The following ZNF512B variants were observed in gnomAD, a reference collection of about 807,000 sequenced individuals.
ZNF512B encodes zinc finger protein 512B.
A neutral mutation model predicts 87.8 loss-of-function variants in ZNF512B; 22 were observed. The observed-to-expected ratio is 0.25, with a 90% CI of 0.18 to 0.36. The LOEUF (loss-of-function observed/expected upper bound fraction) is 0.36, where lower values mean the gene tolerates loss of function less well. ZNF512B is among the 10% of genes least tolerant of loss of function. The probability of loss-of-function intolerance (pLI) is 1.00; values close to 1 mark genes in which losing one functional copy is unlikely to be tolerated. For synonymous variants in ZNF512B, 524 were observed against 490.9 expected (o/e 1.07, Z -0.89); for missense variants, 1,060 against 1,231.6 (o/e 0.86, Z 2.09).
In ZNF512B at chr20:63,962,637, C is replaced by T. The variant is rs370687431; in HGVS notation, c.2113G>A (p.Asp705Asn). 127 of 1,607,076 alleles carry T rather than the reference C, an allele frequency of 7.9e-5. No homozygotes were observed. The highest frequency in any genetic ancestry group is 1.0e-4 in the Non-Finnish European group (122 of 1,178,510). The change falls in exon 13 of 17, where the codon GAC becomes AAC. Residue 705 changes from aspartate (D) to asparagine (N), a missense_variant. Around this residue, in one of 9 missense-constraint regions of ZNF512B, gnomAD observed 253 missense variants for 259.2 expected, o/e 0.98. Coordinates refer to ENST00000369888, the MANE Select transcript of ZNF512B (RefSeq NM_020713.3). ...TCCTTCATGCGCCGCTTGGTCCAGT[C>T]GCGGGCCAGCTCGTCCTCCGCTATC... ...QEIAEDELAR[D>N]WTKRRMKDDL...
At position 63,966,579 on chromosome 20, in the gene ZNF512B, G is replaced by T. The variant is rs931946502; in HGVS notation, c.596C>A (p.Thr199Asn). 6.2e-7 allele frequency: 1 copy of T among 1,613,840 alleles called. No homozygotes were observed. The highest frequency in any genetic ancestry group is 1.1e-5 in the South Asian group (1 of 91,090). Residue 199 changes from threonine to asparagine, a missense_variant, in exon 5 of 17, where the codon ACT becomes AAT. Physicochemically the swap from Thr to Asn is moderately conservative, Grantham distance 65. Transcript: ENST00000369888. The part of the protein sequence containing the change: ...SKPIGVSKPV[T>N]IGKPVGVSKP... ...GCTGACACCCACAGGTTTGCCAATA[G>T]TGACAGGTTTGCTCACTCCGATGGG...
chr20:63,963,417 T>C lies in ZNF512B; in HGVS notation c.1722A>G (p.Glu574=), dbSNP rs2146888688. The part of the protein sequence containing the change: ...SAKPSDAEAS[E]GGEQEERERL... ...TCTCGCGCTCCTCCTGCTCGCCCCC[T>C]TCGGAGGCCTCGGCGTCAGAGGGCT... Residue 574 remains glutamate (E), a synonymous_variant, in exon 11 of 17, where the codon GAA becomes GAG. Transcript: ENST00000369888. 1 of 1,548,862 alleles carries C rather than the reference T, an allele frequency of 6.5e-7. No homozygotes were observed. Among genetic ancestry groups the C allele is most frequent in the Non-Finnish European group, 8.7e-7 (1 of 1,151,840 alleles).
chr20:63,962,866 G>A (rs916077312), intron 12 of ZNF512B, 85 bp from the exon 13 acceptor site: 37 of 1,392,316 alleles, frequency 2.7e-5, no homozygotes, highest in Non-Finnish European at 3.2e-5. Flanking sequence ...CCTAAGGCCG[G>A]TGGACCCACA....
chr20:63,961,870 G>C lies in ZNF512B; in HGVS notation c.2328+72C>G. ...GGCAGGGTCCCTCACTACTGTGTGG[G>C]AAGCCCGCGTGGGGTGAGCTGGGAG... On this transcript the variant is annotated intron_variant, in intron 15 of 16. Transcript: ENST00000369888. The surrounding 1 kb of genome is among the most constrained non-coding windows in gnomAD (Gnocchi z 6.4). 6.7e-7 allele frequency: 1 copy of C among 1,488,702 alleles called. No homozygotes were observed. The highest frequency in any genetic ancestry group is 1.4e-5 in the African/African-American group (1 of 71,848). 92.2% of individuals were successfully genotyped at this position (1,488,702 alleles called of 1,614,324 possible). A position where few individuals can be genotyped will look rare whatever the true frequency, so the allele number is the denominator to read the frequency against.
rs111611348 is a variant in ZNF512B, at chr20:63,963,329, G to A, written c.1797+13C>T. ...GGCCCCCCCACCCCACACTGCCGCG[G>A]CCCCCCACTGACCTCCTGGGGGCAG... is the stretch of plus-strand genomic sequence containing the variant. On this transcript the variant is annotated intron_variant, in intron 11 of 16. Coordinates refer to ENST00000369888, the MANE Select transcript of ZNF512B (RefSeq NM_020713.3). 83 of 1,538,778 alleles carry A rather than the reference G, an allele frequency of 5.4e-5. No homozygotes were observed. The African/African-American group carries it at 8.5e-4, about 16-fold the overall frequency.
chr20:63,969,284 A>G (rs1280509384), intron 1 of ZNF512B: 1 of 696,730 alleles, frequency 1.4e-6, no homozygotes, highest in African/African-American at 1.9e-5. Flanking sequence ...GGCCAGGGCC[A>G]GCCTGGGAGG....
chr20:63,963,560 G>A lies in ZNF512B; in HGVS notation c.1698+58C>T, dbSNP rs1327248519. 12 of 1,603,050 alleles carry A rather than the reference G, an allele frequency of 7.5e-6. No homozygotes were observed. The East Asian group carries it at 8.9e-5, about 12-fold the overall frequency. On this transcript the variant is annotated intron_variant, in intron 10 of 16. Coordinates refer to ENST00000369888, the MANE Select transcript of ZNF512B (RefSeq NM_020713.3). ...GGTTAGAAACCGGGGGCACTGCGGT[G>A]AAGGTGGGGTGCGAGGTCAGAGGTC...
chr20:63,963,340 ACCT>A lies in ZNF512B; in HGVS notation c.1796_1797+1del, dbSNP rs2058877416. The A allele has an allele frequency of 8.4e-6, 13 of 1,539,724 alleles. No individual in the cohort carries two copies. The highest frequency in any genetic ancestry group is 1.4e-5 in the African/African-American group (1 of 73,080). On this transcript the variant is annotated splice_donor_variant and coding_sequence_variant, in exon 11 of 17. Transcript: ENST00000369888. LOFTEE classifies it high-confidence loss of function. The stretch of plus-strand genomic sequence containing the variant: ...CCCACACTGCCGCGGCCCCCCACTG[ACCT>A]CCTGGGGGCAGCGCAGCCGTCCCAT...
At chr20:63,967,647 A>G (rs1397685837) in intron 2 of ZNF512B, 124 bp from the exon 3 acceptor site, 1 of 1,482,296 alleles carries the variant, frequency 6.7e-7, no homozygotes, top group Non-Finnish European at 9.0e-7. Context: ...GGCTGCGGCC[A>G]GCTGAGGACA....
At position 63,957,994 on chromosome 20, in the gene ZNF512B, C is replaced by G. The variant is rs1462154884; in HGVS notation, c.*1894G>C. The G allele has an allele frequency of 6.6e-6, 1 of 152,326 alleles. No individual in the cohort carries two copies. The highest frequency in any genetic ancestry group is 1.5e-5 in the Non-Finnish European group (1 of 68,110). 9.4% of individuals were successfully genotyped at this position (152,326 alleles called of 1,614,324 possible). On this transcript the variant is annotated 3_prime_UTR_variant, in exon 17 of 17. Transcript: ENST00000369888. ...CGCCCATCTCTGCCCCAGCCTCCAT[C>G]CTCTCATCAGGCCGAGGTGTGCGTG...
chr20:63,962,885 A>G (rs2058870935), intron 12 of ZNF512B, 104 bp from the exon 13 acceptor site: 2 of 1,317,462 alleles, frequency 1.5e-6, no homozygotes, highest in South Asian at 1.5e-5. Context: ...CAGGCCTCCC[A>G]GTGTGCTGGG....
At chr20:63,962,867 T>C in intron 12 of ZNF512B, 86 bp from the exon 13 acceptor site, 1 of 1,387,322 alleles carries the variant, frequency 7.2e-7, no homozygotes, top group Non-Finnish European at 9.6e-7. Context: ...CTAAGGCCGG[T>C]GGACCCACAG....
rs535652996 is a variant in ZNF512B, at chr20:63,967,047, G to A, written c.265-43C>T. ...TGGTGCTGCTGACCCGCAGCCACCT[G>A]GGCCACTGCCAGCCCGAGCCCCAGA... On this transcript the variant is annotated intron_variant, in intron 3 of 16. Transcript: ENST00000369888. The A allele has an allele frequency of 2.7e-5, 44 of 1,609,894 alleles. No individual in the cohort carries two copies. The East Asian group carries it at 9.6e-4, about 35-fold the overall frequency.
rs2058892122 is a variant in ZNF512B at position 63,964,100 on chromosome 20, G to T, written c.1451C>A (p.Ala484Glu). The T allele has an allele frequency of 6.2e-7, 1 of 1,610,146 alleles. No homozygotes were observed. The highest frequency in any genetic ancestry group is 2.2e-5 in the East Asian group (1 of 44,876). Residue 484 changes from alanine to glutamate, a missense_variant, in exon 8 of 17, where the codon GCA (alanine) becomes GAA (glutamate). This residue lies in a region of ZNF512B where 212 missense variants were observed against 207.6 expected (regional missense o/e 1.02). Coordinates refer to ENST00000369888, the MANE Select transcript of ZNF512B (RefSeq NM_020713.3). ...AGCTGGGTGGGCCACAGGGGCCGGT[G>T]CCTCCTTGCTGACAGTGATGGGGGC... is the stretch of plus-strand genomic sequence containing the variant. ...PAAPITVSKE[A>E]PAPVAHPAPG...
In ZNF512B at chr20:63,959,917, C is replaced by T. The variant is rs1379005495; in HGVS notation, c.2650G>A (p.Val884Met). Residue 884 changes from valine (V) to methionine (M), a missense_variant, in exon 17 of 17, where the codon GTG becomes ATG. Coordinates refer to ENST00000369888, the MANE Select transcript of ZNF512B (RefSeq NM_020713.3). ...TTTTCAGGCGCCTTGCTGACTCCCACCTTCCGGCCGGTGGAGCCCCGGGCC... is the reference window on the plus strand; with the variant it reads ...TTTTCAGGCGCCTTGCTGACTCCCATCTTCCGGCCGGTGGAGCCCCGGGCC... ...KGARGSTGRK[V>M]GVSKAPEK 4.4e-6 allele frequency: 7 copies of T among 1,601,866 alleles called. No individual in the cohort carries two copies. The highest frequency in any genetic ancestry group is 1.7e-4 in the Middle Eastern group (1 of 6,048).
chr20:63,960,714 C>G (rs2058841676), intron 16 of ZNF512B, among the ~76,000 whole-genome samples: 1 of 133,162 alleles, frequency 7.5e-6, no homozygotes, highest in East Asian at 2.4e-4. Flanking sequence ...CAGGCAAGCA[C>G]CTGCAGGGGG....
chr20:63,965,881 C>A, intron 5 of ZNF512B, among the ~76,000 whole-genome samples: 2 of 31,374 alleles, frequency 6.4e-5, no homozygotes, highest in African/African-American at 1.7e-4. Flanking sequence ...TACCTTTTCT[C>A]ACCACTGTTC....
intron 10 of ZNF512B, 72 bp from the exon 11 acceptor site, chr20:63,963,512 G>A (rs967688633): frequency 1.8e-5 from 28 of 1,574,812 alleles, no homozygotes; most frequent in Admixed American, 1.6e-4. Context: ...GCCCCGCCCA[G>A]GTGTTGGGCC....
In ZNF512B at chr20:63,962,339, G is replaced by T; in HGVS notation, c.2199C>A (p.Asn733Lys). The T allele has an allele frequency of 6.2e-7, 1 of 1,612,916 alleles. No homozygotes were observed. The highest frequency in any genetic ancestry group is 1.7e-4 in the Middle Eastern group (1 of 6,052). The change falls in exon 14 of 17, where the codon AAC becomes AAA. Residue 733 changes from asparagine (N) to lysine (K), a missense_variant. Asn to Lys is a moderately conservative substitution (Grantham distance 94). Around this residue, in one of 9 missense-constraint regions of ZNF512B, gnomAD observed 253 missense variants for 259.2 expected, o/e 0.98. Transcript: ENST00000369888. ...NYTRPGLPTL[N>K]PQLLEAWKNE... ...TCTTCCATGCCTCTAGCAGCTGGGG[G>T]TTCAGCGTGGGGAGCCCTGGTCGAG... is the stretch of plus-strand genomic sequence containing the variant.
Sources: allele counts gnomAD v4.1 joint callset (sites outside exome capture counted in the v4.1 genomes callset), GRCh38; gene constraint gnomAD v4.1.1; regional missense constraint gnomAD v4.1.1; non-coding constraint Gnocchi (gnomAD v3.1); transcripts MANE v1.5; gene names NCBI Gene and HGNC (gene_info 2026-07-23, HGNC 2026-07-21).